The following CREBBP variants were observed in gnomAD, a reference collection of about 807,000 sequenced individuals.
The protein encoded by CREBBP is CREB-binding protein.
CREBBP carries 19 observed loss-of-function variants against 265.0 expected under a neutral mutation model. The observed-to-expected ratio is 0.07, with a 90% CI of 0.05 to 0.11. CREBBP has a LOEUF of 0.11. Among genes scored for constraint, CREBBP ranks in the 10% least tolerant of loss-of-function variants. The pLI, the probability that CREBBP is intolerant of heterozygous loss-of-function variation, is 1.00. For missense variants in CREBBP, 2,525 were observed against 3,219.0 expected (o/e 0.78, Z 5.22); for synonymous variants, 1,457 against 1,223.7 (o/e 1.19, Z -3.98).
At chr16:3,755,657 T>G (rs796679959) in intron 19 of CREBBP, among the ~76,000 whole-genome samples, 4 of 152,244 alleles carry the variant, frequency 2.6e-5, no homozygotes, top group African/African-American at 9.6e-5. Context: ...TGGCCAGAAC[T>G]TCCCAAAGAG....
intron 16 of CREBBP, among the ~76,000 whole-genome samples, chr16:3,763,948 G>C (rs998760356): frequency 6.6e-5 from 10 of 150,648 alleles, no homozygotes; most frequent in Admixed American, 2.0e-4. Flanking sequence ...GGGTTCAAGT[G>C]ATTCTCCTGC....
At chr16:3,774,037 G>A in intron 12 of CREBBP, 107 bp from the exon 13 acceptor site, 21 of 1,246,934 alleles carry the variant, frequency 1.7e-5, no homozygotes, top group Non-Finnish European at 2.2e-5. Flanking sequence ...AGGATGGCAA[G>A]CACAGGGCTC....
At chr16:3,837,035 A>G (rs1345534492) in intron 2 of CREBBP, among the ~76,000 whole-genome samples, 1 of 152,200 alleles carries the variant, frequency 6.6e-6, no homozygotes, top group Admixed American at 6.5e-5. Context: ...TTATGTATTT[A>G]CTACACTTAT....
intron 23 of CREBBP, chr16:3,740,844 G>A: frequency 2.3e-6 from 1 of 435,146 alleles, no homozygotes; most frequent in Admixed American, 3.5e-5. Flanking sequence ...AAAATTGACA[G>A]GGGCTCTAGG....
chr16:3,819,503 C>CGT (rs2054102355), intron 2 of CREBBP, among the ~76,000 whole-genome samples: 2 of 152,110 alleles, frequency 1.3e-5, no homozygotes, highest in Admixed American at 1.3e-4. Context: ...TTACAGAGAA[C>CGT]GTGTAATGGT....
chr16:3,762,666 T>C (rs2151392452), intron 16 of CREBBP, among the ~76,000 whole-genome samples: 1 of 152,296 alleles, frequency 6.6e-6, no homozygotes, highest in Admixed American at 6.5e-5. Flanking sequence ...TCTCGAGCCC[T>C]TGGAGGCTGC....
intron 2 of CREBBP, chr16:3,840,606 C>G (rs932333653): frequency 1.2e-5 from 2 of 173,714 alleles, no homozygotes; most frequent in Non-Finnish European, 2.5e-5. Context: ...CAGGACGATT[C>G]AGGGGCCTCT....
intron 21 of CREBBP, among the ~76,000 whole-genome samples, chr16:3,746,015 C>T (rs758076225): frequency 3.3e-5 from 5 of 152,244 alleles, no homozygotes; most frequent in Non-Finnish European, 5.9e-5. Flanking sequence ...CACGGCCCAC[C>T]AGGGCTCCGT....
Position 3,850,423 on chromosome 16 carries a change from C to G in CREBBP, c.672G>C (p.Met224Ile). Residue 224 changes from methionine to isoleucine, a missense_variant, in exon 2 of 31, where the codon ATG (methionine) becomes ATC (isoleucine). Transcript: ENST00000262367. ...GAAGRGRGAGMPYPTPAMQGA... is the reference protein window; with the variant it reads ...GAAGRGRGAGIPYPTPAMQGA... ...CCTGCATGGCTGGAGTAGGGTACGGCATTCCAGCTCCCCTTCCTCTGCCAG... is the reference window on the plus strand; with the variant it reads ...CCTGCATGGCTGGAGTAGGGTACGGGATTCCAGCTCCCCTTCCTCTGCCAG... 2 of 1,614,244 alleles carry G rather than the reference C, an allele frequency of 1.2e-6. No individual in the cohort carries two copies. The highest frequency in any genetic ancestry group is 1.7e-6 in the Non-Finnish European group (2 of 1,180,042).
chr16:3,788,202 G>C (rs1367934760), intron 5 of CREBBP, among the ~76,000 whole-genome samples: 1 of 152,226 alleles, frequency 6.6e-6, no homozygotes, highest in Non-Finnish European at 1.5e-5. Context: ...CTCTCTCAGA[G>C]AATGACTCAA....
intron 11 of CREBBP, among the ~76,000 whole-genome samples, chr16:3,777,118 G>T (rs532526671): frequency 6.6e-6 from 1 of 151,906 alleles, no homozygotes; most frequent in Non-Finnish European, 1.5e-5. Flanking sequence ...TGAGGTGGAC[G>T]GATCACGGAG....
chr16:3,833,775 G>C (rs987188031), intron 2 of CREBBP, among the ~76,000 whole-genome samples: 3 of 152,150 alleles, frequency 2.0e-5, no homozygotes, highest in Admixed American at 6.5e-5. Flanking sequence ...AAACTTTTGT[G>C]ATTGATAAAA....
intron 2 of CREBBP, among the ~76,000 whole-genome samples, chr16:3,847,306 T>C (rs1273629953): frequency 6.6e-6 from 1 of 152,224 alleles, no homozygotes; most frequent in Non-Finnish European, 1.5e-5. Context: ...TAGGATATAC[T>C]TCCTGTGTAA....
At chr16:3,741,009 G>A in intron 23 of CREBBP, 1 of 273,422 alleles carries the variant, frequency 3.7e-6, no homozygotes, top group South Asian at 4.0e-5. Flanking sequence ...AACCAATTAA[G>A]CTCTGGCCAG....
intron 2 of CREBBP, among the ~76,000 whole-genome samples, chr16:3,832,842 A>T (rs1014605650): frequency 5.9e-5 from 9 of 152,158 alleles, no homozygotes; most frequent in African/African-American, 2.2e-4. Flanking sequence ...GGGTTATCTC[A>T]CAGGAATGCA....
chr16:3,766,188 C>T (rs1162904541), intron 16 of CREBBP, among the ~76,000 whole-genome samples: 4 of 152,116 alleles, frequency 2.6e-5, no homozygotes. Context: ...ATTCTAATGT[C>T]ACAGACTATG....
At position 3,850,655 on chromosome 16, in the gene CREBBP, G is replaced by A. The variant is rs2141493929; in HGVS notation, c.440C>T (p.Ala147Val). 1.2e-6 allele frequency: 2 copies of A among 1,614,186 alleles called. No individual in the cohort carries two copies. Among genetic ancestry groups the A allele is most frequent in the Admixed American group, 3.3e-5 (2 of 60,034 alleles). ...TGCTTGCGGATTCAGTGCTTGGGAGGCAGCGGGGGTGGGCCCAGAGGTGCT... is the reference window on the plus strand; with the variant it reads ...TGCTTGCGGATTCAGTGCTTGGGAGACAGCGGGGGTGGGCCCAGAGGTGCT... ...AASTSGPTPA[A>V]SQALNPQAQK... Residue 147 changes from alanine (A) to valine (V), a missense_variant, in exon 2 of 31, where the codon GCC (alanine) becomes GTC (valine). Ala to Val is a moderately conservative substitution (Grantham distance 64). Transcript: ENST00000262367.
intron 23 of CREBBP, chr16:3,742,087 CA>C (rs1198404008): frequency 7.2e-6 from 1 of 138,286 alleles, no homozygotes; most frequent in South Asian, 2.2e-4. Context: ...TCTGCACAAA[CA>C]AAACAAAACA....
intron 2 of CREBBP, among the ~76,000 whole-genome samples, chr16:3,838,535 A>G (rs144582278): frequency 3.0e-3 from 461 of 152,286 alleles, no homozygotes; most frequent in Non-Finnish European, 4.3e-3. Flanking sequence ...ATCAGCCAAA[A>G]AGTTAACTGG....
Sources: allele counts gnomAD v4.1 joint callset (sites outside exome capture counted in the v4.1 genomes callset), GRCh38; gene constraint gnomAD v4.1.1; transcripts MANE v1.5; gene names NCBI Gene and HGNC (gene_info 2026-07-23, HGNC 2026-07-21).